Variants in GRM1 observed in about 807,000 individuals in gnomAD.
GRM1 encodes the protein metabotropic glutamate receptor 1.
Under a neutral mutation model 90.9 loss-of-function variants are expected in GRM1, and 33 were observed. That is an observed-to-expected ratio of 0.36 (90% CI 0.28 to 0.49). GRM1 has a LOEUF of 0.49. Among genes scored for constraint, GRM1 ranks in the 20% least tolerant of loss-of-function variants. The pLI, the probability that GRM1 is intolerant of heterozygous loss-of-function variation, is 0.99. For synonymous variants in GRM1, 700 were observed against 613.2 expected, an observed-to-expected ratio of 1.14 and a Z score of -2.09; for missense variants, 1,190 against 1,534.3, an observed-to-expected ratio of 0.78 and a Z score of 3.75.
At chr6:146,408,915 A>G (rs1359945311) in intron 7 of GRM1, among the ~76,000 whole-genome samples, 1 of 152,198 alleles carries the variant, frequency 6.6e-6, no homozygotes, top group African/African-American at 2.4e-5. Context: ...GTCCAGGAGC[A>G]AAAGTATTGA....
rs10656760 is a variant in GRM1, at chr6:146,187,738, C to CATATATATATATATAT, written c.950+28143_950+28158dup. 6.3e-3 allele frequency among the ~76,000 whole-genome samples: 929 copies of CATATATATATATATAT among 148,418 alleles called. 8 individuals carry two copies. The highest frequency in any genetic ancestry group is 0.022 in the African/African-American group (881 of 40,526). ...ATATCTACAACAACTAGGCACAAAA[C>CATATATATATATATAT]ATATATATATATATATAAAATTAGC... On this transcript the variant is annotated intron_variant, in intron 2 of 7. Coordinates refer to ENST00000282753, the MANE Select transcript of GRM1 (RefSeq NM_001278064.2).
Position 146,279,919 on chromosome 6 carries a change from C to A in GRM1, c.951-24692C>A, listed in dbSNP as rs1295659329. On this transcript the variant is annotated intron_variant, in intron 2 of 7. Coordinates refer to ENST00000282753, the MANE Select transcript of GRM1 (RefSeq NM_001278064.2). ...ACCAGTGTGTAATTTATCTGGCTGC[C>A]TTTGAGATTTTCTCTTTTACTTTGG... 9.9e-5 allele frequency among the ~76,000 whole-genome samples: 15 copies of A among 151,814 alleles called. 1 individual carries two copies. Among genetic ancestry groups the A allele is most frequent in the Admixed American group, 9.8e-4 (15 of 15,232 alleles).
At chr6:146,112,119 C>A (rs923329135) in intron 1 of GRM1, among the ~76,000 whole-genome samples, 1 of 152,150 alleles carries the variant, frequency 6.6e-6, no homozygotes, top group African/African-American at 2.4e-5. Flanking sequence ...AGCTAAGCTG[C>A]CTGATTCTGC....
intron 1 of GRM1, among the ~76,000 whole-genome samples, chr6:146,129,347 C>T (rs1483486969): frequency 6.6e-6 from 1 of 152,122 alleles, no homozygotes; most frequent in Non-Finnish European, 1.5e-5. Flanking sequence ...TGGCCTTCTT[C>T]TTGAAGTGCA....
At chr6:146,189,934 A>T (rs1219232475) in intron 2 of GRM1, among the ~76,000 whole-genome samples, 1 of 152,220 alleles carries the variant, frequency 6.6e-6, no homozygotes, top group Non-Finnish European at 1.5e-5. Flanking sequence ...TCAAAGGGAA[A>T]TTTAAAACCA....
intron 2 of GRM1, among the ~76,000 whole-genome samples, chr6:146,186,778 AT>A (rs1383117966): frequency 1.3e-5 from 2 of 152,184 alleles, no homozygotes; most frequent in Non-Finnish European, 2.9e-5. Flanking sequence ...CACCCACAAC[AT>A]TTTAGTGATT....
chr6:146,323,033 T>A (rs113940822), intron 3 of GRM1, among the ~76,000 whole-genome samples: 1,671 of 152,278 alleles, frequency 0.011, 20 homozygotes, highest in African/African-American at 0.039. Context: ...TCCAAGTCTT[T>A]GCTATTGTGA....
At chr6:146,243,821 G>A (rs939631007) in intron 2 of GRM1, among the ~76,000 whole-genome samples, 2 of 152,090 alleles carry the variant, frequency 1.3e-5, no homozygotes, top group African/African-American at 4.8e-5. Flanking sequence ...AGCACTACGG[G>A]AGACTGGGGC....
chr6:146,269,951 A>T (rs770287437), intron 2 of GRM1, among the ~76,000 whole-genome samples: 8 of 150,574 alleles, frequency 5.3e-5, no homozygotes, highest in Non-Finnish European at 8.8e-5. Flanking sequence ...TAAATGGAAT[A>T]ATGTAATGTT....
At chr6:146,098,956 AT>A (rs34523465) in intron 1 of GRM1, among the ~76,000 whole-genome samples, 61,172 of 151,834 alleles carry the variant, frequency 0.4, 12,646 homozygotes, top group Middle Eastern at 0.54. Context: ...AGTTTCAGGC[AT>A]TTTTTTCATA....
chr6:146,156,866 T>C (rs1053787271), intron 1 of GRM1, among the ~76,000 whole-genome samples: 8 of 152,312 alleles, frequency 5.3e-5, no homozygotes, highest in East Asian at 1.9e-4. Context: ...AATTTTGTTA[T>C]TGCACAACTT....
At chr6:146,056,057 A>G (rs1204345633) in intron 1 of GRM1, among the ~76,000 whole-genome samples, 1 of 152,136 alleles carries the variant, frequency 6.6e-6, no homozygotes, top group African/African-American at 2.4e-5. Context: ...CATACAAAGA[A>G]TGCTTTCAAA....
chr6:146,426,495 G>C, intron 7 of GRM1: 1 of 1,483,752 alleles, frequency 6.7e-7, no homozygotes, highest in South Asian at 1.2e-5. Flanking sequence ...TGGTGGACTT[G>C]CCATATCTGT....
intron 1 of GRM1, among the ~76,000 whole-genome samples, chr6:146,114,056 A>T (rs1459818180): frequency 1.3e-5 from 2 of 152,146 alleles, no homozygotes; most frequent in Non-Finnish European, 2.9e-5. Context: ...ATATTTGTTG[A>T]CACGTGTTGA....
chr6:146,356,073 T>C (rs1038060547), intron 4 of GRM1, among the ~76,000 whole-genome samples: 1 of 152,080 alleles, frequency 6.6e-6, no homozygotes, highest in Non-Finnish European at 1.5e-5. Context: ...GGAAAGGAGA[T>C]GTAAGAATGC....
At chr6:146,344,878 C>T (rs192049761) in intron 3 of GRM1, among the ~76,000 whole-genome samples, 2 of 152,098 alleles carry the variant, frequency 1.3e-5, no homozygotes, top group African/African-American at 4.8e-5. Flanking sequence ...ATGGCATGAT[C>T]TCGGCTCACC....
chr6:146,313,443 G>A lies in GRM1; in HGVS notation c.1186+8597G>A, dbSNP rs142692930. On this transcript the variant is annotated intron_variant, in intron 3 of 7. Transcript: ENST00000282753. ...GACTGTTCATAAATATTTCACCCTG[G>A]ATGAGTATCTATTTAGGTTAGTATC... 2.0e-4 allele frequency among the ~76,000 whole-genome samples: 31 copies of A among 152,158 alleles called. No individual in the cohort carries two copies. In the East Asian group the frequency reaches 5.6e-3, roughly 27 times the overall value.
intron 6 of GRM1, among the ~76,000 whole-genome samples, chr6:146,396,846 TG>T (rs1324492538): frequency 6.6e-6 from 1 of 152,198 alleles, no homozygotes; most frequent in Non-Finnish European, 1.5e-5. Context: ...AAAGGTTATA[TG>T]ACTTAATATA....
chr6:146,250,562 A>T (rs1419495336), intron 2 of GRM1, among the ~76,000 whole-genome samples: 3 of 152,194 alleles, frequency 2.0e-5, no homozygotes, highest in African/African-American at 7.2e-5. Flanking sequence ...GCCATGCAGA[A>T]CTGTGACTCA....
Sources: gnomAD v4.1 joint callset for allele counts (sites outside exome capture counted in the v4.1 genomes callset) on GRCh38, gnomAD v4.1.1 for gene constraint, MANE v1.5 for transcripts, NCBI Gene and HGNC (gene_info 2026-07-23, HGNC 2026-07-21) for gene names.